PXDNL: variants seen among roughly 807,000 people sequenced by gnomAD.
PXDNL encodes the protein probable oxidoreductase PXDNL.
A neutral mutation model predicts 150.8 loss-of-function variants in PXDNL; 145 were observed. The ratio of observed to expected loss-of-function variants is 0.96; its 90% CI spans 0.84 to 1.10. PXDNL has a LOEUF of 1.10. Among genes scored for constraint, PXDNL ranks in the 50% least tolerant of loss-of-function variants. The probability of loss-of-function intolerance (pLI) is 0.00; values close to 1 mark genes in which losing one functional copy is unlikely to be tolerated. For synonymous variants in PXDNL, 757 were observed against 725.7 expected, an observed-to-expected ratio of 1.04 and a Z score of -0.69; for missense variants, 2,087 against 1,873.9, an observed-to-expected ratio of 1.11 and a Z score of -2.10.
At chr8:51,595,798 A>G (rs1813550054) in intron 2 of PXDNL, among the ~76,000 whole-genome samples, 2 of 150,526 alleles carry the variant, frequency 1.3e-5, no homozygotes, top group Admixed American at 1.3e-4. Context: ...ATCATAAACA[A>G]CGCATAAATC....
At chr8:51,771,896 C>G (rs1022438281) in intron 1 of PXDNL, among the ~76,000 whole-genome samples, 3 of 152,098 alleles carry the variant, frequency 2.0e-5, no homozygotes, top group Admixed American at 2.0e-4. Context: ...TCCCTCTCCT[C>G]CAGCTGTGGC....
chr8:51,619,996 G>A (rs1005105125), intron 2 of PXDNL, among the ~76,000 whole-genome samples: 6 of 152,106 alleles, frequency 3.9e-5, no homozygotes, highest in South Asian at 2.1e-4. Context: ...AAATAAATCC[G>A]TTCTACTTTT....
intron 1 of PXDNL, among the ~76,000 whole-genome samples, chr8:51,664,587 GAT>G (rs1409903068): frequency 2.0e-5 from 3 of 152,176 alleles, no homozygotes; most frequent in Non-Finnish European, 4.4e-5. Flanking sequence ...GTATCGCTGA[GAT>G]CAGACTTGGC....
At chr8:51,533,648 T>C (rs984316869) in intron 4 of PXDNL, among the ~76,000 whole-genome samples, 24 of 149,132 alleles carry the variant, frequency 1.6e-4, no homozygotes, top group Non-Finnish European at 2.7e-4. Context: ...CACGCCTGAC[T>C]GGTTTTCGTT....
chr8:51,653,496 AG>A (rs1815083341), intron 2 of PXDNL, among the ~76,000 whole-genome samples: 1 of 152,190 alleles, frequency 6.6e-6, no homozygotes, highest in African/African-American at 2.4e-5. Flanking sequence ...CCTGGGGAAG[AG>A]GGCTAGGAAT....
At chr8:51,552,084 A>G (rs2130525070) in intron 4 of PXDNL, among the ~76,000 whole-genome samples, 1 of 152,338 alleles carries the variant, frequency 6.6e-6, no homozygotes, top group African/African-American at 2.4e-5. Flanking sequence ...AATGCTCAAC[A>G]TCACTCATTA....
chr8:51,769,782 T>A (rs1382955101), intron 1 of PXDNL, among the ~76,000 whole-genome samples: 3 of 152,192 alleles, frequency 2.0e-5, no homozygotes, highest in African/African-American at 7.2e-5. Context: ...AATATATAAC[T>A]AAACTCCCAC....
chr8:51,709,547 C>G (rs1585691367), intron 1 of PXDNL, among the ~76,000 whole-genome samples: 2 of 152,202 alleles, frequency 1.3e-5, no homozygotes, highest in East Asian at 1.9e-4. Flanking sequence ...GCCACCATGC[C>G]TGGCCCCCAA....
chr8:51,742,806 GAA>G (rs1469802340), intron 1 of PXDNL, among the ~76,000 whole-genome samples: 2 of 152,096 alleles, frequency 1.3e-5, no homozygotes, highest in Admixed American at 6.5e-5. Context: ...CATGAAAATA[GAA>G]AGAGAATGTT....
intron 4 of PXDNL, among the ~76,000 whole-genome samples, chr8:51,546,855 G>C (rs1231931316): frequency 6.6e-6 from 1 of 152,120 alleles, no homozygotes; most frequent in African/African-American, 2.4e-5. Flanking sequence ...ATGGGAACAG[G>C]GTAAGGCCTG....
intron 4 of PXDNL, among the ~76,000 whole-genome samples, chr8:51,505,696 A>T (rs1811269889): frequency 6.6e-6 from 1 of 152,198 alleles, no homozygotes; most frequent in Non-Finnish European, 1.5e-5. Flanking sequence ...AGGACATCTG[A>T]ATCTGAAGCT....
At chr8:51,430,276 ACAATCT>A (rs1388031085) in intron 12 of PXDNL, among the ~76,000 whole-genome samples, 2 of 152,200 alleles carry the variant, frequency 1.3e-5, no homozygotes, top group Non-Finnish European at 2.9e-5. Context: ...CTGTTGACCA[ACAATCT>A]TCTAGTCTCA....
rs187492392 is a variant in PXDNL, at chr8:51,344,497, C to A, written c.4016+1336G>T. Among the ~76,000 whole-genome samples the A allele has an allele frequency of 1.6e-3, 250 of 152,228 alleles. 2 individuals carry two copies. Among genetic ancestry groups the A allele is most frequent in the African/African-American group, 5.8e-3 (239 of 41,542 alleles). ...GGACTCCCCTAAATGCTATCAAAAT[C>A]TTAGCTTATCCTTCAAGAGCCCTCC... On this transcript the variant is annotated intron_variant, in intron 20 of 22. Transcript: ENST00000356297.
At chr8:51,368,397 A>G (rs940041482) in intron 19 of PXDNL, among the ~76,000 whole-genome samples, 1 of 152,164 alleles carries the variant, frequency 6.6e-6, no homozygotes, top group African/African-American at 2.4e-5. Flanking sequence ...ACAGACTCAG[A>G]GTCCATTTCA....
chr8:51,433,198 G>C (rs1390333220), intron 12 of PXDNL, among the ~76,000 whole-genome samples: 1 of 145,174 alleles, frequency 6.9e-6, no homozygotes, highest in Non-Finnish European at 1.5e-5. Flanking sequence ...GACAGAGTAA[G>C]ACTCTATCTC....
At chr8:51,684,786 G>C (rs1815836740) in intron 1 of PXDNL, among the ~76,000 whole-genome samples, 1 of 152,188 alleles carries the variant, frequency 6.6e-6, no homozygotes, top group African/African-American at 2.4e-5. Context: ...ACATGGAAGA[G>C]AGCAGTGGGC....
At chr8:51,516,976 C>T (rs1403004659) in intron 4 of PXDNL, among the ~76,000 whole-genome samples, 2 of 152,108 alleles carry the variant, frequency 1.3e-5, no homozygotes, top group African/African-American at 2.4e-5. Flanking sequence ...TCTAATTATC[C>T]ACCTTTTATT....
At chr8:51,413,999 A>G (rs1027315735) in intron 14 of PXDNL, among the ~76,000 whole-genome samples, 1 of 152,196 alleles carries the variant, frequency 6.6e-6, no homozygotes, top group Non-Finnish European at 1.5e-5. Context: ...AATGAAAACA[A>G]TAACTTTTTG....
chr8:51,627,057 A>G (rs1814376963), intron 2 of PXDNL, among the ~76,000 whole-genome samples: 1 of 152,226 alleles, frequency 6.6e-6, no homozygotes, highest in Non-Finnish European at 1.5e-5. Context: ...CAAAGCATAT[A>G]TCTTTATTTG....
Sources: gnomAD v4.1 joint callset for allele counts (sites outside exome capture counted in the v4.1 genomes callset) on GRCh38, gnomAD v4.1.1 for gene constraint, MANE v1.5 for transcripts, NCBI Gene and HGNC (gene_info 2026-07-23, HGNC 2026-07-21) for gene names.